Variants in MCPH1 observed in about 807,000 individuals in gnomAD.
The protein encoded by MCPH1 is microcephalin 1.
Under a neutral mutation model 84.5 loss-of-function variants are expected in MCPH1, and 104 were observed. The ratio of observed to expected loss-of-function variants is 1.23; its 90% CI spans 1.05 to 1.45. The LOEUF (loss-of-function observed/expected upper bound fraction) is 1.45, where lower values mean the gene tolerates loss of function less well. Ranked by LOEUF, MCPH1 falls within the 40% of genes most tolerant of loss-of-function variation. The pLI is 0.00. For missense variants in MCPH1, 1,498 were observed against 1,005.7 expected, an observed-to-expected ratio of 1.49 and a Z score of -6.62; for synonymous variants, 514 against 366.8, an observed-to-expected ratio of 1.40 and a Z score of -4.58.
At chr8:6,417,075 T>C (rs994358325) in intron 3 of MCPH1, among the ~76,000 whole-genome samples, 11 of 152,226 alleles carry the variant, frequency 7.2e-5, no homozygotes, top group African/African-American at 1.7e-4. Flanking sequence ...TGTCTCGATA[T>C]GGTTTTTTAA....
At chr8:6,418,933 A>T (rs17536414) in intron 3 of MCPH1, among the ~76,000 whole-genome samples, 2 of 151,996 alleles carry the variant, frequency 1.3e-5, no homozygotes, top group Admixed American at 6.6e-5. Flanking sequence ...TGAATTGATC[A>T]TTCCAGTTCT....
chr8:6,497,731 C>G (rs1811413939), intron 11 of MCPH1, among the ~76,000 whole-genome samples: 1 of 152,134 alleles, frequency 6.6e-6, no homozygotes, highest in African/African-American at 2.4e-5. Flanking sequence ...TGGGAGCTCT[C>G]TGTACCTTCC....
chr8:6,576,341 C>T (rs1827094790), intron 12 of MCPH1, among the ~76,000 whole-genome samples: 1 of 152,124 alleles, frequency 6.6e-6, no homozygotes, highest in African/African-American at 2.4e-5. Context: ...CTCAGGGCCT[C>T]CAGCACTTAG....
rs756558938 is a variant in MCPH1, at chr8:6,621,666, G to C, written c.2427G>C (p.Lys809Asn). 4 of 1,614,108 alleles carry C rather than the reference G, an allele frequency of 2.5e-6. No homozygotes were observed. The highest frequency in any genetic ancestry group is 1.1e-5 in the South Asian group (1 of 91,088). Residue 809 changes from lysine (K) to asparagine (N), a missense_variant, in exon 13 of 14, where the codon AAG (lysine) becomes AAC (asparagine). Coordinates refer to ENST00000344683, the MANE Select transcript of MCPH1 (RefSeq NM_024596.5). ...GCGGAAAGAAGAAAGCCACAGTCAA[G>C]TATCTGTCTGAGAAATGGGTCTTAG... ...PYSGKKKATV[K>N]YLSEKWVLDS...
rs1249296422 is a variant in MCPH1 at position 6,646,497 on chromosome 8, T to TCAGTATAG, written c.*3452_*3459dup. 3 of 152,176 alleles carry TCAGTATAG rather than the reference T, an allele frequency of 2.0e-5. No individual in the cohort carries two copies. The highest frequency in any genetic ancestry group is 2.9e-5 in the Non-Finnish European group (2 of 68,034). 9.4% of individuals were successfully genotyped at this position (152,176 alleles called of 1,614,324 possible). A position where few individuals can be genotyped will look rare whatever the true frequency, so the allele number is the denominator to read the frequency against. Reference sequence around the variant, plus strand: ...CTTTGAACAAAGGTGACGAGGCAAGTCAGTATAGCAGCATATTCTTTTCAA... The same window carrying TCAGTATAG: ...CTTTGAACAAAGGTGACGAGGCAAGTCAGTATAGCAGTATAGCAGCATATTCTTTTCAA... On this transcript the variant is annotated 3_prime_UTR_variant, in exon 14 of 14. Transcript: ENST00000344683.
chr8:6,556,965 T>G (rs971905389), intron 12 of MCPH1, among the ~76,000 whole-genome samples: 16 of 152,188 alleles, frequency 1.1e-4, no homozygotes, highest in Non-Finnish European at 1.8e-4. Flanking sequence ...AGGCACTCGA[T>G]AAATATTTTT....
rs1798110549 is a variant in MCPH1, at chr8:6,644,367, C to G, written c.*1318C>G. 6.6e-6 allele frequency: 1 copy of G among 152,094 alleles called. No individual in the cohort carries two copies. The highest frequency in any genetic ancestry group is 6.6e-5 in the Admixed American group (1 of 15,258). 9.4% of individuals were successfully genotyped at this position (152,094 alleles called of 1,614,324 possible). On this transcript the variant is annotated 3_prime_UTR_variant, in exon 14 of 14. Coordinates refer to ENST00000344683, the MANE Select transcript of MCPH1 (RefSeq NM_024596.5). ...GCCAGAGTGATCAGGCAAGAATAAG[C>G]CATAAAAGGCATCCAAATAGGAAAA...
chr8:6,408,070 C>G (rs1481055341), intron 1 of MCPH1, among the ~76,000 whole-genome samples: 1 of 152,196 alleles, frequency 6.6e-6, no homozygotes, highest in Non-Finnish European at 1.5e-5. Context: ...CCATCTGTCT[C>G]TTTACAGAAA....
chr8:6,614,586 T>C (rs1830613291), intron 12 of MCPH1, among the ~76,000 whole-genome samples: 1 of 152,234 alleles, frequency 6.6e-6, no homozygotes, highest in African/African-American at 2.4e-5. Flanking sequence ...ACACGTCCGT[T>C]GGCCTAACGC....
At chr8:6,454,863 T>C (rs1585869591) in intron 8 of MCPH1, among the ~76,000 whole-genome samples, 2 of 152,370 alleles carry the variant, frequency 1.3e-5, no homozygotes, top group Middle Eastern at 3.4e-3. Flanking sequence ...GCGTAAGGTA[T>C]GGGTATACAT....
chr8:6,446,938 C>G, intron 8 of MCPH1: 10 of 985,368 alleles, frequency 1.0e-5, no homozygotes, highest in African/African-American at 1.7e-5. Flanking sequence ...GGGGCCAGCA[C>G]TAGTTGACTC....
chr8:6,423,267 G>C (rs957418584), intron 3 of MCPH1, among the ~76,000 whole-genome samples: 6 of 134,336 alleles, frequency 4.5e-5, no homozygotes, highest in Middle Eastern at 5.1e-3. Context: ...TTGGCTCACT[G>C]CATTCTCCTG....
intron 11 of MCPH1, among the ~76,000 whole-genome samples, chr8:6,483,469 C>T (rs901490928): frequency 6.6e-6 from 1 of 152,208 alleles, no homozygotes; most frequent in Non-Finnish European, 1.5e-5. Context: ...TTGGTGGACA[C>T]ACAGAACAGA....
chr8:6,496,270 G>T (rs1295592774), intron 11 of MCPH1, among the ~76,000 whole-genome samples: 2 of 152,094 alleles, frequency 1.3e-5, no homozygotes, highest in African/African-American at 4.8e-5. Context: ...TTCACAATAG[G>T]GTTCGCAATT....
At chr8:6,588,592 G>T (rs1828184208) in intron 12 of MCPH1, among the ~76,000 whole-genome samples, 1 of 152,240 alleles carries the variant, frequency 6.6e-6, no homozygotes, top group South Asian at 2.1e-4. Context: ...TGAACTGCCT[G>T]AGTCCATGTG....
intron 3 of MCPH1, among the ~76,000 whole-genome samples, chr8:6,424,543 C>T (rs1800773125): frequency 1.3e-5 from 2 of 152,244 alleles, no homozygotes; most frequent in East Asian, 1.9e-4. Context: ...ACCCTGCAGC[C>T]ATTCCTTAGT....
chr8:6,594,597 G>A (rs1828777472), intron 12 of MCPH1, among the ~76,000 whole-genome samples: 1 of 152,224 alleles, frequency 6.6e-6, no homozygotes, highest in Admixed American at 6.5e-5. Flanking sequence ...CTCGCATCAG[G>A]CCAGATTGTT....
At chr8:6,626,918 T>C (rs1586862318) in intron 13 of MCPH1, 2 of 985,210 alleles carry the variant, frequency 2.0e-6, no homozygotes, top group East Asian at 2.3e-4. Flanking sequence ...CTGGGCTCCA[T>C]TCAAGTGATA....
intron 5 of MCPH1, among the ~76,000 whole-genome samples, chr8:6,436,938 C>G (rs909226586): frequency 5.3e-5 from 8 of 152,096 alleles, no homozygotes; most frequent in South Asian, 4.2e-4. Context: ...CCACTGCACT[C>G]CAGCCTGGGC....
Sources: gnomAD v4.1 joint callset for allele counts (sites outside exome capture counted in the v4.1 genomes callset) on GRCh38, gnomAD v4.1.1 for gene constraint, MANE v1.5 for transcripts, NCBI Gene and HGNC (gene_info 2026-07-23, HGNC 2026-07-21) for gene names.